Variants in MDM1 observed in about 807,000 individuals in gnomAD.
MDM1 encodes Mdm1 nuclear protein.
In MDM1, 61 loss-of-function variants were observed where a neutral mutation model predicts 89.1. The ratio of observed to expected loss-of-function variants is 0.68; its 90% CI spans 0.56 to 0.85. The LOEUF (loss-of-function observed/expected upper bound fraction) is 0.85, where lower values mean the gene tolerates loss of function less well. Among genes scored for constraint, MDM1 ranks in the 40% least tolerant of loss-of-function variants. The probability of loss-of-function intolerance (pLI) is 0.00; values close to 1 mark genes in which losing one functional copy is unlikely to be tolerated. For missense variants in MDM1, 820 were observed against 846.5 expected, an observed-to-expected ratio of 0.97 and a Z score of 0.39; for synonymous variants, 290 against 294.1, an observed-to-expected ratio of 0.99 and a Z score of 0.14.
rs145637597 is a variant in MDM1, at chr12:68,316,189, C to T, written c.1100G>A (p.Arg367Gln). Residue 367 changes from arginine (R) to glutamine (Q), a missense_variant, in exon 9 of 15, where the codon CGG becomes CAG. Transcript: ENST00000682720. ...AGATAAAATCTGATTCAGATGGTCC[C>T]GAGAAAAATGCGTCCCCTGAACTCG... Reference protein sequence around the residue: ...RKRVQGTHFSRDHLNQILSDS... With the variant: ...RKRVQGTHFSQDHLNQILSDS... 7 of 1,613,950 alleles carry T rather than the reference C, an allele frequency of 4.3e-6. No individual in the cohort carries two copies. Among genetic ancestry groups the T allele is most frequent in the East Asian group, 4.5e-5 (2 of 44,864 alleles).
intron 4 of MDM1, chr12:68,324,877 A>C: frequency 2.4e-6 from 1 of 412,844 alleles, no homozygotes; most frequent in Non-Finnish European, 3.3e-6. Flanking sequence ...TCTCAATACT[A>C]AAATTGTGCA....
intron 12 of MDM1, among the ~76,000 whole-genome samples, chr12:68,311,936 C>T (rs748170759): frequency 1.6e-4 from 24 of 152,112 alleles, no homozygotes; most frequent in Non-Finnish European, 3.4e-4. Context: ...AGCAATTGTC[C>T]TATCTTACTC....
intron 7 of MDM1, among the ~76,000 whole-genome samples, chr12:68,320,056 C>T (rs1418900922): frequency 6.6e-6 from 1 of 152,216 alleles, no homozygotes; most frequent in African/African-American, 2.4e-5. Context: ...ATAACCTCAA[C>T]CTAGTGTCAC....
At chr12:68,327,591 C>T (rs1447126693) in intron 2 of MDM1, 1 of 1,376,526 alleles carries the variant, frequency 7.3e-7, no homozygotes, top group African/African-American at 1.4e-5. Context: ...AAGCAAATGT[C>T]CAAAAACTTA....
At chr12:68,315,310 C>T (rs746130129) in intron 9 of MDM1, 45 bp from the exon 10 acceptor site, 7 of 1,550,762 alleles carry the variant, frequency 4.5e-6, no homozygotes, top group Non-Finnish European at 6.1e-6. Context: ...ATAGTTTGCA[C>T]TTTTCTAATC....
intron 5 of MDM1, among the ~76,000 whole-genome samples, chr12:68,322,406 G>T (rs1481181691): frequency 6.6e-6 from 1 of 152,208 alleles, no homozygotes; most frequent in African/African-American, 2.4e-5. Context: ...GCCAAGGTAG[G>T]CGGATCACCT....
chr12:68,317,676 T>C (rs1263253351), intron 7 of MDM1, among the ~76,000 whole-genome samples: 1 of 152,244 alleles, frequency 6.6e-6, no homozygotes, highest in Non-Finnish European at 1.5e-5. Context: ...ATTTATCATT[T>C]CTATCAACTC....
At chr12:68,306,380 T>C (rs1314837989) in intron 12 of MDM1, among the ~76,000 whole-genome samples, 1 of 152,050 alleles carries the variant, frequency 6.6e-6, no homozygotes, top group African/African-American at 2.4e-5. Flanking sequence ...GACTAAGTAC[T>C]CAAAAACAAA....
intron 1 of MDM1, 64 bp from the exon 2 acceptor site, chr12:68,331,285 C>T: frequency 1.1e-6 from 1 of 947,994 alleles, no homozygotes; most frequent in Non-Finnish European, 1.7e-6. Flanking sequence ...AAGCAGACAT[C>T]GGTGAAAAAT....
intron 13 of MDM1, among the ~76,000 whole-genome samples, chr12:68,297,283 A>G (rs1367987984): frequency 6.6e-6 from 1 of 152,268 alleles, no homozygotes; most frequent in Non-Finnish European, 1.5e-5. Flanking sequence ...AACTTTAAAG[A>G]AATGTAGTAG....
intron 12 of MDM1, among the ~76,000 whole-genome samples, chr12:68,307,456 G>A (rs1002572066): frequency 3.9e-5 from 6 of 151,968 alleles, no homozygotes; most frequent in Non-Finnish European, 7.4e-5. Flanking sequence ...GCAACACAGC[G>A]AGATCCCCAA....
intron 7 of MDM1, among the ~76,000 whole-genome samples, chr12:68,319,499 G>A (rs1439103912): frequency 6.6e-6 from 1 of 152,170 alleles, no homozygotes; most frequent in Non-Finnish European, 1.5e-5. Context: ...AATGTTAGGA[G>A]TGGGAAAATG....
chr12:68,331,598 A>G (rs1160697439), intron 1 of MDM1, among the ~76,000 whole-genome samples: 1 of 152,104 alleles, frequency 6.6e-6, no homozygotes, highest in Non-Finnish European at 1.5e-5. Context: ...CATGCCTAGG[A>G]CCTTTTGCTA....
Position 68,313,646 on chromosome 12 carries a change from A to G in MDM1, c.1637T>C (p.Val546Ala). Residue 546 changes from valine (V) to alanine (A), a missense_variant and splice_region_variant, in exon 11 of 15, where the codon GTT becomes GCT. Physicochemically the swap from Val to Ala is moderately conservative, Grantham distance 64. Coordinates refer to ENST00000682720, the MANE Select transcript of MDM1 (RefSeq NM_001354969.2). Reference protein sequence around the residue: ...RTHHDLTTPAVGGAVLVSPSK... With the variant: ...RTHHDLTTPAAGGAVLVSPSK... The stretch of plus-strand genomic sequence containing the variant: ...ACTGCACGGTGTTTGCCGATTACCA[A>G]CAGCTGGAGTAGTGAGATCATGATG... 6 of 1,613,626 alleles carry G rather than the reference A, an allele frequency of 3.7e-6. No individual in the cohort carries two copies. The highest frequency in any genetic ancestry group is 1.1e-5 in the South Asian group (1 of 91,034).
intron 8 of MDM1, 94 bp downstream of exon 8, chr12:68,316,487 A>G: frequency 9.4e-7 from 1 of 1,062,394 alleles, no homozygotes; most frequent in Non-Finnish European, 1.4e-6. Flanking sequence ...AATTCATAGC[A>G]GCTAAGAAAA....
intron 3 of MDM1, 167 bp downstream of exon 3, chr12:68,326,490 T>C: frequency 1.3e-6 from 2 of 1,523,100 alleles, no homozygotes; most frequent in Non-Finnish European, 1.8e-6. Flanking sequence ...ATAGAACTAA[T>C]TCACAATAAC....
intron 8 of MDM1, 69 bp downstream of exon 8, chr12:68,316,512 T>C: frequency 1.5e-6 from 2 of 1,342,144 alleles, no homozygotes; most frequent in Non-Finnish European, 2.0e-6. Flanking sequence ...TGACACCTAC[T>C]TTTTATTCCA....
intron 13 of MDM1, 120 bp from the exon 14 acceptor site, chr12:68,297,102 A>G (rs968539339): frequency 2.0e-6 from 1 of 512,644 alleles, no homozygotes; most frequent in Non-Finnish European, 3.3e-6. Flanking sequence ...TATCAAACCT[A>G]CATGTGAGTA....
chr12:68,299,149 C>T (rs1358815604), intron 13 of MDM1, among the ~76,000 whole-genome samples: 1 of 151,702 alleles, frequency 6.6e-6, no homozygotes, highest in Non-Finnish European at 1.5e-5. Flanking sequence ...ATAGTCAAAT[C>T]AAAAATAAAT....
Sources: gnomAD v4.1 joint callset for allele counts (sites outside exome capture counted in the v4.1 genomes callset) on GRCh38, gnomAD v4.1.1 for gene constraint, MANE v1.5 for transcripts, NCBI Gene and HGNC (gene_info 2026-07-23, HGNC 2026-07-21) for gene names.